Variants in SNX13 observed in about 807,000 individuals in gnomAD.
The protein encoded by SNX13 is sorting nexin 13, also known as sorting nexin-13.
Under a neutral mutation model 133.6 loss-of-function variants are expected in SNX13, and 45 were observed. That is an observed-to-expected ratio of 0.34 (90% CI 0.27 to 0.43). The LOEUF (loss-of-function observed/expected upper bound fraction) is 0.43. SNX13 is among the 20% of genes least tolerant of loss of function. The pLI is 1.00. For synonymous variants in SNX13, 414 were observed against 373.9 expected (o/e 1.11, Z -1.24); for missense variants, 1,032 against 1,145.1 (o/e 0.90, Z 1.43).
At position 17,905,125 on chromosome 7, in the gene SNX13, T is replaced by G. The variant is rs189097024; in HGVS notation, c.13-7679A>C. ...ATACAATGCTATATACTCCTATGATTAGTTTATAGTGCAGCAACATATGCA... is the reference window on the plus strand; with the variant it reads ...ATACAATGCTATATACTCCTATGATGAGTTTATAGTGCAGCAACATATGCA... On this transcript the variant is annotated intron_variant, in intron 1 of 25. Coordinates refer to ENST00000428135, the MANE Select transcript of SNX13 (RefSeq NM_015132.5). Among the ~76,000 whole-genome samples the G allele has an allele frequency of 1.5e-3, 223 of 152,340 alleles. 1 individual carries two copies. The highest frequency in any genetic ancestry group is 4.2e-3 in the African/African-American group (174 of 41,578).
chr7:17,803,366 C>A, intron 21 of SNX13, 53 bp downstream of exon 21: 1 of 1,483,856 alleles, frequency 6.7e-7, no homozygotes, highest in East Asian at 2.3e-5. Flanking sequence ...TTCAATACAT[C>A]TTATTGACTT....
At chr7:17,873,813 CTTAA>C (rs1048474738) in intron 7 of SNX13, among the ~76,000 whole-genome samples, 197 bp from the exon 8 acceptor site, 1 of 152,012 alleles carries the variant, frequency 6.6e-6, no homozygotes, top group African/African-American at 2.4e-5. Context: ...CATTAATCAA[CTTAA>C]TTTTTTTTAA....
chr7:17,882,919 C>G (rs1222333760), intron 5 of SNX13: 11 of 974,010 alleles, frequency 1.1e-5, no homozygotes, highest in Non-Finnish European at 1.4e-5. Flanking sequence ...CCATTGTACT[C>G]CAGCCTGGGC....
chr7:17,901,661 C>G (rs949456904), intron 1 of SNX13, among the ~76,000 whole-genome samples: 1 of 152,208 alleles, frequency 6.6e-6, no homozygotes, highest in African/African-American at 2.4e-5. Flanking sequence ...TCTCTCTGCA[C>G]CACTCAGCTT....
chr7:17,910,298 T>C (rs552398794), intron 1 of SNX13, among the ~76,000 whole-genome samples: 10 of 152,232 alleles, frequency 6.6e-5, no homozygotes, highest in South Asian at 6.2e-4. Context: ...CAAAATACAA[T>C]TCAATAAACC....
chr7:17,801,090 T>C lies in SNX13; in HGVS notation c.2298+498A>G, dbSNP rs925318898. ...GATACAGCAATTTCATTCCTAAGTA[T>C]AGATCCAATAGAAACATGTACAGAC... is the stretch of plus-strand genomic sequence containing the variant. On this transcript the variant is annotated intron_variant, in intron 22 of 25. Transcript: ENST00000428135. Among the ~76,000 whole-genome samples, 5 of 145,026 alleles carry C rather than the reference T, an allele frequency of 3.4e-5. 1 individual carries two copies. Among genetic ancestry groups the C allele is most frequent in the Non-Finnish European group, 7.6e-5 (5 of 65,580 alleles).
intron 23 of SNX13, 71 bp downstream of exon 23, chr7:17,798,938 A>T (rs1784340853): frequency 6.6e-7 from 1 of 1,519,228 alleles, no homozygotes; most frequent in African/African-American, 1.4e-5. Context: ...AGGTTGAGCA[A>T]TCTACTTCCA....
At chr7:17,852,121 C>A (rs1003146433) in intron 9 of SNX13, among the ~76,000 whole-genome samples, 1 of 152,210 alleles carries the variant, frequency 6.6e-6, no homozygotes, top group Admixed American at 6.5e-5. Context: ...TGCTTGTAAT[C>A]GCAGCACTTT....
intron 13 of SNX13, among the ~76,000 whole-genome samples, chr7:17,839,499 G>A (rs749981517): frequency 2.6e-5 from 4 of 151,430 alleles, no homozygotes; most frequent in Non-Finnish European, 4.4e-5. Context: ...ATATATATAC[G>A]TACTCTCTTT....
chr7:17,845,598 TA>T lies in SNX13; in HGVS notation c.1161del (p.Phe387LeufsTer18), dbSNP rs749866112. The T allele has an allele frequency of 6.3e-7, 1 of 1,579,490 alleles. No homozygotes were observed. Among genetic ancestry groups the T allele is most frequent in the Admixed American group, 1.9e-5 (1 of 54,004 alleles). On this transcript the variant is annotated frameshift_variant, in exon 12 of 26. Transcript: ENST00000428135. LOFTEE classifies it high-confidence loss of function. ...TAAATAGAATTGATCTACCTACCCA[TA>T]AAAAATTGTAGTGCAACATTGTCTA... The part of the protein sequence containing the change: ...ILVDNVALQF[F>X]MDYMQQTGGQ...
chr7:17,831,606 C>A, intron 15 of SNX13: 2 of 984,024 alleles, frequency 2.0e-6, no homozygotes, highest in Non-Finnish European at 2.4e-6. Flanking sequence ...TATGATATGA[C>A]TTGGTCCTTT....
At position 17,826,958 on chromosome 7, in the gene SNX13, T is replaced by C. The variant is rs560066408; in HGVS notation, c.1636-867A>G. Among the ~76,000 whole-genome samples, 4 of 152,218 alleles carry C rather than the reference T, an allele frequency of 2.6e-5. No individual in the cohort carries two copies. In the East Asian group the frequency reaches 7.7e-4, roughly 29 times the overall value. ...TATGGGAACTTAAATTTAGGGAAGA[T>C]TCTCAGCATTCTCTAATCAATAAGA... On this transcript the variant is annotated intron_variant, in intron 16 of 25. Transcript: ENST00000428135.
At chr7:17,807,667 C>G (rs1056035010) in intron 20 of SNX13, among the ~76,000 whole-genome samples, 1 of 152,208 alleles carries the variant, frequency 6.6e-6, no homozygotes, top group Admixed American at 6.5e-5. Flanking sequence ...TGCCTCCTGA[C>G]TGGGAGACAC....
At position 17,891,153 on chromosome 7, in the gene SNX13, C is replaced by T. The variant is rs139491994; in HGVS notation, c.318+393G>A. The stretch of plus-strand genomic sequence containing the variant: ...CAGGGGGCATAGTTTTTTTACCTAT[C>T]TCTAATTTTTTAATGTTTTTGCATC... On this transcript the variant is annotated intron_variant, in intron 4 of 25. Coordinates refer to ENST00000428135, the MANE Select transcript of SNX13 (RefSeq NM_015132.5). Among the ~76,000 whole-genome samples the T allele has an allele frequency of 3.0e-3, 449 of 151,934 alleles. 1 individual carries two copies. The highest frequency in any genetic ancestry group is 4.6e-3 in the Non-Finnish European group (309 of 67,862).
At chr7:17,889,783 G>A (rs961352797) in intron 5 of SNX13, 1 of 152,088 alleles carries the variant, frequency 6.6e-6, no homozygotes, top group Non-Finnish European at 1.5e-5. Context: ...TATATAGCTG[G>A]TTTGTAAAGT....
intron 8 of SNX13, among the ~76,000 whole-genome samples, chr7:17,869,979 T>TA (rs1793881365): frequency 1.3e-5 from 2 of 152,074 alleles, no homozygotes; most frequent in South Asian, 4.2e-4. Context: ...TGTTTCTTAT[T>TA]AGTTGGTGCA....
chr7:17,834,015 T>C (rs1788832150), intron 15 of SNX13, 37 bp downstream of exon 15: 13 of 1,382,306 alleles, frequency 9.4e-6, no homozygotes, highest in Middle Eastern at 1.9e-4. Flanking sequence ...TATATAAATA[T>C]ATATGCATAT....
At chr7:17,804,616 G>C (rs771654709) in intron 20 of SNX13, among the ~76,000 whole-genome samples, 4 of 151,694 alleles carry the variant, frequency 2.6e-5, no homozygotes, top group Non-Finnish European at 5.9e-5. Context: ...AATAAAGAAA[G>C]AGACATCTAA....
intron 20 of SNX13, among the ~76,000 whole-genome samples, chr7:17,808,790 G>A (rs1785628741): frequency 6.6e-6 from 1 of 152,130 alleles, no homozygotes; most frequent in Non-Finnish European, 1.5e-5. Context: ...AAGAGAGTGA[G>A]GGCCAATATT....
Sources: allele counts gnomAD v4.1 joint callset (sites outside exome capture counted in the v4.1 genomes callset), GRCh38; gene constraint gnomAD v4.1.1; transcripts MANE v1.5; gene names NCBI Gene and HGNC (gene_info 2026-07-23, HGNC 2026-07-21).